Variants in OPCML observed in about 807,000 individuals in gnomAD.
OPCML encodes the protein opioid-binding protein/cell adhesion molecule.
OPCML carries 13 observed loss-of-function variants against 37.8 expected under a neutral mutation model. The observed-to-expected ratio is 0.34, with a 90% CI of 0.22 to 0.55. The LOEUF (loss-of-function observed/expected upper bound fraction) is 0.55, where lower values mean the gene tolerates loss of function less well. Ranked by LOEUF, OPCML falls within the 20% of genes least tolerant of loss-of-function variation. The pLI, the probability that OPCML is intolerant of heterozygous loss-of-function variation, is 0.91. For synonymous variants in OPCML, 176 were observed against 168.8 expected (o/e 1.04, Z -0.33); for missense variants, 341 against 435.6 (o/e 0.78, Z 1.93).
At chr11:132,655,786 GT>G (rs568243677) in intron 3 of OPCML, among the ~76,000 whole-genome samples, 83 of 151,954 alleles carry the variant, frequency 5.5e-4, no homozygotes, top group African/African-American at 2.0e-3. Context: ...AATCATGCAA[GT>G]GACTGAAGCA....
intron 1 of OPCML, among the ~76,000 whole-genome samples, chr11:133,283,971 GCCCTAAAA>G (rs1218201834): frequency 6.6e-6 from 1 of 152,046 alleles, no homozygotes; most frequent in Admixed American, 6.6e-5. Flanking sequence ...TAAAAGTCAA[GCCCTAAAA>G]CACCTTCTCA....
At chr11:133,340,016 C>T (rs534773799) in intron 1 of OPCML, among the ~76,000 whole-genome samples, 1 of 152,314 alleles carries the variant, frequency 6.6e-6, no homozygotes, top group African/African-American at 2.4e-5. Context: ...TGCATCTCTG[C>T]TTTCTGGAAT....
At chr11:132,420,378 G>T in intron 7 of OPCML, 85 bp from the exon 8 acceptor site, 1 of 1,542,722 alleles carries the variant, frequency 6.5e-7, no homozygotes, top group Non-Finnish European at 8.7e-7. Flanking sequence ...ACACATACAT[G>T]CTTCCCACCT....
chr11:132,453,826 A>G (rs969612769), intron 4 of OPCML, among the ~76,000 whole-genome samples: 4 of 152,190 alleles, frequency 2.6e-5, no homozygotes, highest in African/African-American at 7.2e-5. Flanking sequence ...CAGCATGGAC[A>G]GGGTGAGGAG....
intron 2 of OPCML, among the ~76,000 whole-genome samples, chr11:132,935,403 T>C (rs913824920): frequency 3.5e-4 from 54 of 152,272 alleles, no homozygotes; most frequent in African/African-American, 1.2e-3. Context: ...GTGTATAGCA[T>C]TTTGGGTAAT....
At chr11:132,937,203 G>A (rs527296926) in intron 2 of OPCML, among the ~76,000 whole-genome samples, 21 of 152,134 alleles carry the variant, frequency 1.4e-4, no homozygotes, top group African/African-American at 5.1e-4. Flanking sequence ...ACTGCCTGGC[G>A]GACCGGCTCC....
chr11:132,785,865 T>C (rs576141130), intron 2 of OPCML, among the ~76,000 whole-genome samples: 2 of 152,350 alleles, frequency 1.3e-5, no homozygotes, highest in East Asian at 1.9e-4. Flanking sequence ...CAGGTGACCA[T>C]TTAAACTAAG....
At chr11:132,799,766 G>A (rs1337909824) in intron 2 of OPCML, among the ~76,000 whole-genome samples, 1 of 151,978 alleles carries the variant, frequency 6.6e-6, no homozygotes, top group Non-Finnish European at 1.5e-5. Context: ...GCAAAGCTCA[G>A]TAAAATGAAG....
chr11:133,428,193 A>T (rs1037913788), intron 1 of OPCML, among the ~76,000 whole-genome samples: 3 of 152,382 alleles, frequency 2.0e-5, no homozygotes, highest in African/African-American at 7.2e-5. Context: ...TGATGGAAAC[A>T]AAAAGCACAA....
intron 1 of OPCML, among the ~76,000 whole-genome samples, chr11:132,980,369 T>C (rs558890721): frequency 1.3e-5 from 2 of 152,398 alleles, no homozygotes; most frequent in Non-Finnish European, 2.9e-5. Context: ...TTTGGCATTT[T>C]GTTATTATGA....
intron 1 of OPCML, among the ~76,000 whole-genome samples, chr11:133,407,999 C>A (rs892108374): frequency 6.6e-6 from 1 of 152,080 alleles, no homozygotes; most frequent in Non-Finnish European, 1.5e-5. Flanking sequence ...AGCAATTTGC[C>A]GTCCTAGAAT....
chr11:132,682,563 T>C (rs1299526901), intron 2 of OPCML, among the ~76,000 whole-genome samples: 2 of 152,148 alleles, frequency 1.3e-5, no homozygotes, highest in Non-Finnish European at 2.9e-5. Flanking sequence ...AGAAAGCCTG[T>C]TTAGAACCAA....
chr11:132,865,323 G>C lies in OPCML; in HGVS notation c.146+77603C>G, dbSNP rs142448303. Among the ~76,000 whole-genome samples, 544 of 152,172 alleles carry C rather than the reference G, an allele frequency of 3.6e-3. 8 individuals carry two copies. Among genetic ancestry groups the C allele is most frequent in the Admixed American group, 0.028 (422 of 15,292 alleles). On this transcript the variant is annotated intron_variant, in intron 2 of 7. Coordinates refer to ENST00000524381, the MANE Select transcript of OPCML (RefSeq NM_001012393.5). ...TTCAATTCAAAAGGAGTATATTTTTGAAAACTGTACAAAGAAGAAAGTGTA... is the reference window on the plus strand; with the variant it reads ...TTCAATTCAAAAGGAGTATATTTTTCAAAACTGTACAAAGAAGAAAGTGTA...
At chr11:133,359,201 T>C (rs1162994094) in intron 1 of OPCML, among the ~76,000 whole-genome samples, 4 of 152,222 alleles carry the variant, frequency 2.6e-5, no homozygotes, top group African/African-American at 9.6e-5. Flanking sequence ...TATAAATTCC[T>C]CTGAGATCCA....
chr11:132,458,122 A>G (rs1012860801), intron 4 of OPCML, among the ~76,000 whole-genome samples: 10 of 152,320 alleles, frequency 6.6e-5, no homozygotes, highest in Admixed American at 6.5e-4. Context: ...TGGGTAACAC[A>G]TAAGCTGAGG....
chr11:132,998,398 T>C lies in OPCML; in HGVS notation c.62-55388A>G, dbSNP rs1028318362. On this transcript the variant is annotated intron_variant, in intron 1 of 7. Coordinates refer to ENST00000524381, the MANE Select transcript of OPCML (RefSeq NM_001012393.5). ...TGTTGACTGTGTTTACTTGTTAGCA[T>C]GGCTACTCTGGGCCTACTCATGCTC... Among the ~76,000 whole-genome samples, 10 of 152,298 alleles carry C rather than the reference T, an allele frequency of 6.6e-5. No individual in the cohort carries two copies. In the East Asian group the frequency reaches 1.4e-3, roughly 21 times the overall value.
intron 1 of OPCML, among the ~76,000 whole-genome samples, chr11:133,410,184 A>G (rs1457303752): frequency 6.6e-6 from 1 of 152,210 alleles, no homozygotes; most frequent in Non-Finnish European, 1.5e-5. Context: ...CTACCCCACC[A>G]GCGCCCAGCA....
At chr11:132,992,622 T>A (rs537006744) in intron 1 of OPCML, among the ~76,000 whole-genome samples, 4 of 152,110 alleles carry the variant, frequency 2.6e-5, no homozygotes, top group African/African-American at 9.6e-5. Flanking sequence ...GCAAACTAAA[T>A]GGAAATATTG....
chr11:132,457,440 A>C (rs1344334505), intron 4 of OPCML, among the ~76,000 whole-genome samples: 1 of 152,238 alleles, frequency 6.6e-6, no homozygotes, highest in Non-Finnish European at 1.5e-5. Flanking sequence ...TTCATGCTTT[A>C]ACAAATATTT....
Sources: allele counts gnomAD v4.1 joint callset (sites outside exome capture counted in the v4.1 genomes callset), GRCh38; gene constraint gnomAD v4.1.1; transcripts MANE v1.5; gene names NCBI Gene and HGNC (gene_info 2026-07-23, HGNC 2026-07-21).